ATG5: variants seen among roughly 807,000 people sequenced by gnomAD.
The protein encoded by ATG5 is autophagy related 5.
Under a neutral mutation model 36.5 loss-of-function variants are expected in ATG5, and 14 were observed. The ratio of observed to expected loss-of-function variants is 0.38; its 90% CI spans 0.25 to 0.60. The LOEUF (loss-of-function observed/expected upper bound fraction) is 0.60, where lower values mean the gene tolerates loss of function less well. Among genes scored for constraint, ATG5 ranks in the 20% least tolerant of loss-of-function variants. ATG5 has a pLI of 0.60. For synonymous variants in ATG5, 95 were observed against 101.5 expected, an observed-to-expected ratio of 0.94 and a Z score of 0.38; for missense variants, 195 against 326.7, an observed-to-expected ratio of 0.60 and a Z score of 3.11.
intron 6 of ATG5, 105 bp from the exon 7 acceptor site, chr6:106,202,194 A>T: frequency 1.3e-6 from 1 of 781,268 alleles, no homozygotes; most frequent in Non-Finnish European, 2.2e-6. Flanking sequence ...GCCTTTTGAT[A>T]CGGTGTTAGC....
intron 5 of ATG5, among the ~76,000 whole-genome samples, chr6:106,259,167 G>C (rs1562241667): frequency 2.0e-5 from 3 of 151,950 alleles, no homozygotes; most frequent in East Asian, 3.9e-4. Context: ...AAAACAAGTT[G>C]GCTGAAAATT....
At chr6:106,236,136 T>C (rs918454668) in intron 6 of ATG5, among the ~76,000 whole-genome samples, 4 of 152,254 alleles carry the variant, frequency 2.6e-5, no homozygotes, top group African/African-American at 9.6e-5. Context: ...TTACTCAATG[T>C]AATGTTCTGT....
At chr6:106,212,113 G>C (rs1686850001) in intron 6 of ATG5, among the ~76,000 whole-genome samples, 1 of 152,152 alleles carries the variant, frequency 6.6e-6, no homozygotes, top group Admixed American at 6.5e-5. Flanking sequence ...TATATAAGTA[G>C]TACTATGTGT....
chr6:106,243,753 C>T (rs1778217961), intron 6 of ATG5, among the ~76,000 whole-genome samples: 1 of 151,816 alleles, frequency 6.6e-6, no homozygotes, highest in African/African-American at 2.4e-5. Flanking sequence ...ATCGCCTGAA[C>T]CCAAGAGGCG....
In ATG5 at chr6:106,286,277, G is replaced by A. The variant is rs141094430; in HGVS notation, c.316-6454C>T. Among the ~76,000 whole-genome samples the A allele has an allele frequency of 2.9e-3, 446 of 152,074 alleles. 2 individuals carry two copies. The highest frequency in any genetic ancestry group is 0.01 in the African/African-American group (416 of 41,480). On this transcript the variant is annotated intron_variant, in intron 4 of 7. Coordinates refer to ENST00000369076, the MANE Select transcript of ATG5 (RefSeq NM_004849.4). ...TTGCTCTGCTTGAGCTCCACTCTCC[G>A]TACCACCGTCAGGCAACCGTTCCAA...
intron 6 of ATG5, among the ~76,000 whole-genome samples, chr6:106,204,567 C>T (rs77067326): frequency 0.025 from 3,748 of 152,180 alleles, 65 homozygotes; most frequent in African/African-American, 0.049. Context: ...GGACTGTAAT[C>T]CCCATGTGTC....
intron 6 of ATG5, among the ~76,000 whole-genome samples, chr6:106,204,768 A>C (rs998272836): frequency 6.6e-6 from 1 of 152,136 alleles, no homozygotes; most frequent in African/African-American, 2.4e-5. Flanking sequence ...TGAGGCCCCC[A>C]CAAGCCATAC....
intron 4 of ATG5, among the ~76,000 whole-genome samples, chr6:106,288,875 T>C (rs914279192): frequency 6.6e-6 from 1 of 152,214 alleles, no homozygotes; most frequent in African/African-American, 2.4e-5. Context: ...GAAATATGTC[T>C]GTTTGAAAAC....
chr6:106,202,953 C>T (rs529433163), intron 6 of ATG5, among the ~76,000 whole-genome samples: 5 of 152,154 alleles, frequency 3.3e-5, no homozygotes, highest in Admixed American at 2.0e-4. Flanking sequence ...GTGAGCCAAC[C>T]GCTCCTGGCC....
At chr6:106,210,776 G>A (rs1776822394) in intron 6 of ATG5, among the ~76,000 whole-genome samples, 1 of 152,106 alleles carries the variant, frequency 6.6e-6, no homozygotes, top group South Asian at 2.1e-4. Context: ...GATATTAACA[G>A]TATATACCTC....
At chr6:106,204,172 T>C (rs1169783950) in intron 6 of ATG5, among the ~76,000 whole-genome samples, 1 of 152,064 alleles carries the variant, frequency 6.6e-6, no homozygotes, top group Admixed American at 6.6e-5. Context: ...CACATGCATA[T>C]CTATGTAACA....
At chr6:106,191,066 T>A (rs1291730890) in intron 7 of ATG5, among the ~76,000 whole-genome samples, 1 of 152,170 alleles carries the variant, frequency 6.6e-6, no homozygotes, top group East Asian at 1.9e-4. Flanking sequence ...AAAATGAAGA[T>A]GCCTATATAG....
chr6:106,323,216 A>G (rs960696699), intron 1 of ATG5, among the ~76,000 whole-genome samples: 2 of 124,604 alleles, frequency 1.6e-5, no homozygotes, highest in Admixed American at 1.7e-4. Context: ...TTCTCCTATC[A>G]TTATCACTCT....
At chr6:106,232,125 C>T (rs1307533425) in intron 6 of ATG5, among the ~76,000 whole-genome samples, 1 of 152,170 alleles carries the variant, frequency 6.6e-6, no homozygotes, top group Non-Finnish European at 1.5e-5. Flanking sequence ...GTGCCCGGGG[C>T]AAGCACCAGC....
At chr6:106,323,897 C>T (rs1315243830) in intron 1 of ATG5, among the ~76,000 whole-genome samples, 1 of 151,992 alleles carries the variant, frequency 6.6e-6, no homozygotes. Context: ...GTATCCACTA[C>T]TTCTTTCCCT....
chr6:106,258,302 G>T (rs1277961978), intron 5 of ATG5, among the ~76,000 whole-genome samples: 1 of 151,966 alleles, frequency 6.6e-6, no homozygotes, highest in Non-Finnish European at 1.5e-5. Flanking sequence ...GAACCCAGGA[G>T]GTCAAGGCTG....
chr6:106,257,955 G>C (rs1231963192), intron 5 of ATG5, among the ~76,000 whole-genome samples: 1 of 152,134 alleles, frequency 6.6e-6, no homozygotes, highest in Non-Finnish European at 1.5e-5. Context: ...TTGAGTAACA[G>C]GAGCTGTAGA....
intron 5 of ATG5, among the ~76,000 whole-genome samples, chr6:106,279,250 A>G (rs1322519419): frequency 1.3e-5 from 2 of 152,222 alleles, no homozygotes; most frequent in African/African-American, 4.8e-5. Context: ...GCACAAAGCA[A>G]GTCTACTGTC....
chr6:106,296,780 T>C (rs1769960034), intron 3 of ATG5, among the ~76,000 whole-genome samples: 1 of 152,178 alleles, frequency 6.6e-6, no homozygotes, highest in Admixed American at 6.5e-5. Flanking sequence ...ACTGCAACAC[T>C]GCACTCCAGC....
Sources: allele counts gnomAD v4.1 joint callset (sites outside exome capture counted in the v4.1 genomes callset), GRCh38; gene constraint gnomAD v4.1.1; transcripts MANE v1.5; gene names NCBI Gene and HGNC (gene_info 2026-07-23, HGNC 2026-07-21).